The following TMEM150C variants were observed in gnomAD, a reference collection of about 807,000 sequenced individuals.
TMEM150C encodes the protein tentonin 3.
Under a neutral mutation model 29.9 loss-of-function variants are expected in TMEM150C, and 10 were observed. That is an observed-to-expected ratio of 0.33 (90% CI 0.21 to 0.57). TMEM150C has a LOEUF of 0.57. Ranked by LOEUF, TMEM150C falls within the 20% of genes least tolerant of loss-of-function variation. The pLI is 0.88. For missense variants in TMEM150C, 251 were observed against 303.6 expected (o/e 0.83, Z 1.29); for synonymous variants, 101 against 112.5 (o/e 0.90, Z 0.64).
chr4:82,529,201 G>A (rs1724753711), intron 1 of TMEM150C, among the ~76,000 whole-genome samples: 2 of 152,076 alleles, frequency 1.3e-5, no homozygotes, highest in South Asian at 2.1e-4. Context: ...AACGATCAGA[G>A]AAACAGCAGA....
intron 1 of TMEM150C, among the ~76,000 whole-genome samples, chr4:82,545,924 C>CA (rs1415433520): frequency 7.5e-6 from 1 of 132,732 alleles, no homozygotes; most frequent in African/African-American, 3.5e-5. Context: ...GACTCTGTCT[C>CA]AAAAAAACAA....
In TMEM150C at chr4:82,541,715, T is replaced by C. The variant is rs1000746463; in HGVS notation, c.-11+20191A>G. Among the ~76,000 whole-genome samples the C allele has an allele frequency of 4.5e-4, 68 of 152,208 alleles. 2 individuals carry two copies. Among genetic ancestry groups the C allele is most frequent in the Non-Finnish European group, 7.4e-5 (5 of 68,022 alleles). On this transcript the variant is annotated intron_variant, in intron 1 of 7. Coordinates refer to ENST00000449862, the MANE Select transcript of TMEM150C (RefSeq NM_001080506.3). ...ACTGAATTCCCACTATGTACTTAAATGACGGTGGGGTTCCAGCTCTTAATT... is the reference window on the plus strand; with the variant it reads ...ACTGAATTCCCACTATGTACTTAAACGACGGTGGGGTTCCAGCTCTTAATT...
chr4:82,502,153 A>G (rs1723756910), intron 5 of TMEM150C, among the ~76,000 whole-genome samples: 1 of 152,190 alleles, frequency 6.6e-6, no homozygotes, highest in African/African-American at 2.4e-5. Context: ...ATATTACAGG[A>G]GGGTCTTGGG....
intron 1 of TMEM150C, among the ~76,000 whole-genome samples, chr4:82,540,150 T>G: frequency 9.4e-6 from 1 of 106,786 alleles, no homozygotes; most frequent in South Asian, 2.9e-4. Flanking sequence ...TTTTTTTTTT[T>G]TTTGAGACAA....
Position 82,485,720 on chromosome 4 carries a change from C to T in TMEM150C, c.542-1G>A. 6.2e-7 allele frequency: 1 copy of T among 1,602,478 alleles called. No homozygotes were observed. Among genetic ancestry groups the T allele is most frequent in the Non-Finnish European group, 8.5e-7 (1 of 1,174,856 alleles). ...ATGCTTTGGGCCATGAGGATGAAGTCTGGGGAGAAGCAGTCAAGGAAAATA... is the reference window on the plus strand; with the variant it reads ...ATGCTTTGGGCCATGAGGATGAAGTTTGGGGAGAAGCAGTCAAGGAAAATA... On this transcript the variant is annotated splice_acceptor_variant, in intron 7 of 7. Transcript: ENST00000449862. LOFTEE classifies it high-confidence loss of function.
intron 1 of TMEM150C, among the ~76,000 whole-genome samples, chr4:82,509,208 T>A (rs920825232): frequency 6.6e-6 from 1 of 152,132 alleles, no homozygotes; most frequent in African/African-American, 2.4e-5. Flanking sequence ...ACACTTTGAG[T>A]CAGATGATGA....
intron 1 of TMEM150C, among the ~76,000 whole-genome samples, chr4:82,531,385 T>C (rs757370665): frequency 6.6e-6 from 1 of 151,996 alleles, no homozygotes; most frequent in East Asian, 1.9e-4. Context: ...AGGTGGACTA[T>C]GTAGAATGGG....
chr4:82,541,120 T>C (rs926227513), intron 1 of TMEM150C, among the ~76,000 whole-genome samples: 4 of 152,338 alleles, frequency 2.6e-5, no homozygotes, highest in South Asian at 4.1e-4. Flanking sequence ...TGGCACATAC[T>C]AGAAGCTTAG....
intron 1 of TMEM150C, among the ~76,000 whole-genome samples, chr4:82,558,208 C>A (rs1176657394): frequency 6.6e-6 from 1 of 152,046 alleles, no homozygotes; most frequent in East Asian, 1.9e-4. Context: ...TAGCCACTAG[C>A]CTCATGTGGC....
At position 82,499,450 on chromosome 4, in the gene TMEM150C, G is replaced by GGT. The variant is rs575114599; in HGVS notation, c.236-3257_236-3256dup. On this transcript the variant is annotated intron_variant, in intron 5 of 7. Coordinates refer to ENST00000449862, the MANE Select transcript of TMEM150C (RefSeq NM_001080506.3). ...AAGAGCACAAATAGAGGCCGGGCGC[G>GGT]GTGGCTCATGCCTATAATCCCAGCA... Among the ~76,000 whole-genome samples the GGT allele has an allele frequency of 2.0e-4, 30 of 152,096 alleles. No individual in the cohort carries two copies. The East Asian group carries it at 5.0e-3, about 25-fold the overall frequency.
rs1723119975 is a variant in TMEM150C at position 82,485,236 on chromosome 4, T to C, written c.*275A>G. 5.4e-6 allele frequency: 2 copies of C among 369,192 alleles called. No individual in the cohort carries two copies. The highest frequency in any genetic ancestry group is 4.1e-5 in the Admixed American group (1 of 24,140). The allele number at this position is 369,192 out of a possible 1,614,324, so 22.9% of individuals were successfully genotyped here. ...AGAGAATGGGAAGAGGAGGGAGTGC[T>C]GGGAAGGGGACGGATAAGAAGTGAT... On this transcript the variant is annotated 3_prime_UTR_variant, in exon 8 of 8. Coordinates refer to ENST00000449862, the MANE Select transcript of TMEM150C (RefSeq NM_001080506.3).
chr4:82,502,300 G>C (rs1305418665), intron 5 of TMEM150C, among the ~76,000 whole-genome samples: 3 of 152,142 alleles, frequency 2.0e-5, no homozygotes, highest in African/African-American at 7.2e-5. Flanking sequence ...TTGACCTTTA[G>C]GTTTAAAGAC....
At chr4:82,502,587 G>C in intron 5 of TMEM150C, 140 bp downstream of exon 5, 1 of 779,114 alleles carries the variant, frequency 1.3e-6, no homozygotes. Context: ...TTAAGACAAA[G>C]AGCTGGCTTC....
At chr4:82,516,800 A>G (rs1352790663) in intron 1 of TMEM150C, among the ~76,000 whole-genome samples, 1 of 152,230 alleles carries the variant, frequency 6.6e-6, no homozygotes, top group Non-Finnish European at 1.5e-5. Flanking sequence ...AAATCCTTCA[A>G]ATAGTCTCTT....
intron 1 of TMEM150C, among the ~76,000 whole-genome samples, chr4:82,542,685 G>A (rs1015247574): frequency 6.6e-6 from 1 of 152,226 alleles, no homozygotes; most frequent in Non-Finnish European, 1.5e-5. Flanking sequence ...TAAATAGCAA[G>A]TGGTGGAAGA....
intron 1 of TMEM150C, among the ~76,000 whole-genome samples, chr4:82,543,888 A>G (rs1383883296): frequency 6.6e-6 from 1 of 152,060 alleles, no homozygotes; most frequent in African/African-American, 2.4e-5. Flanking sequence ...ACTGTCTTTC[A>G]TTTTTCCTTC....
At chr4:82,496,692 G>A (rs1056720874) in intron 5 of TMEM150C, among the ~76,000 whole-genome samples, 2 of 152,182 alleles carry the variant, frequency 1.3e-5, no homozygotes, top group African/African-American at 4.8e-5. Context: ...GATAGGGCAG[G>A]AACATAATGG....
At chr4:82,525,283 T>C (rs943095875) in intron 1 of TMEM150C, among the ~76,000 whole-genome samples, 4 of 152,206 alleles carry the variant, frequency 2.6e-5, no homozygotes, top group South Asian at 2.1e-4. Flanking sequence ...TGATAGGATC[T>C]GTAGATTTTG....
intron 1 of TMEM150C, among the ~76,000 whole-genome samples, chr4:82,533,539 G>A (rs539699410): frequency 1.4e-4 from 21 of 152,062 alleles, no homozygotes; most frequent in South Asian, 4.1e-4. Context: ...CATATCTACC[G>A]TTTATGTCTT....
Sources: allele counts gnomAD v4.1 joint callset (sites outside exome capture counted in the v4.1 genomes callset), GRCh38; gene constraint gnomAD v4.1.1; transcripts MANE v1.5; gene names NCBI Gene and HGNC (gene_info 2026-07-23, HGNC 2026-07-21).